The following KCNQ5 variants were observed in gnomAD, a reference collection of about 807,000 sequenced individuals.
KCNQ5 encodes the protein potassium voltage-gated channel subfamily KQT member 5.
KCNQ5 carries 30 observed loss-of-function variants against 98.2 expected under a neutral mutation model. That is an observed-to-expected ratio of 0.31 (90% confidence interval 0.23 to 0.41). The LOEUF is 0.41. KCNQ5 is among the 10% of genes least tolerant of loss of function. The probability of loss-of-function intolerance (pLI) is 1.00; values close to 1 mark genes in which losing one functional copy is unlikely to be tolerated. For missense variants in KCNQ5, 835 were observed against 1,182.5 expected, an observed-to-expected ratio of 0.71 and a Z score of 4.31; for synonymous variants, 458 against 449.4, an observed-to-expected ratio of 1.02 and a Z score of -0.24.
chr6:73,077,685 A>G, intron 4 of KCNQ5, 77 bp from the exon 5 acceptor site: 1 of 1,404,388 alleles, frequency 7.1e-7, no homozygotes, highest in Non-Finnish European at 9.8e-7. Context: ...TAAAGTGAAT[A>G]GAATCCTCAT....
intron 1 of KCNQ5, among the ~76,000 whole-genome samples, chr6:72,629,723 A>G (rs561079071): frequency 1.3e-5 from 2 of 152,240 alleles, no homozygotes; most frequent in Non-Finnish European, 2.9e-5. Flanking sequence ...TTGAAGCCCA[A>G]TTGTTGAACA....
chr6:72,673,615 G>T (rs1277208802), intron 1 of KCNQ5, among the ~76,000 whole-genome samples: 1 of 152,062 alleles, frequency 6.6e-6, no homozygotes, highest in Non-Finnish European at 1.5e-5. Context: ...GGGAGGAGTG[G>T]AGGAGGCGAA....
intron 1 of KCNQ5, among the ~76,000 whole-genome samples, chr6:72,908,712 A>T (rs1383902891): frequency 6.6e-6 from 1 of 152,158 alleles, no homozygotes; most frequent in African/African-American, 2.4e-5. Flanking sequence ...TGAATTATTC[A>T]ACACCAGGAT....
chr6:72,764,704 T>A (rs1411896732), intron 1 of KCNQ5, among the ~76,000 whole-genome samples: 3 of 151,956 alleles, frequency 2.0e-5, no homozygotes, highest in Non-Finnish European at 4.4e-5. Context: ...TAGTAGGTCT[T>A]ATTCATTCTC....
intron 1 of KCNQ5, among the ~76,000 whole-genome samples, chr6:72,811,472 A>T (rs965937988): frequency 1.3e-5 from 2 of 152,196 alleles, no homozygotes; most frequent in African/African-American, 4.8e-5. Context: ...CTGTTTGTGG[A>T]TAAGTATACC....
At chr6:73,112,625 A>G (rs1170808269) in intron 7 of KCNQ5, among the ~76,000 whole-genome samples, 2 of 152,118 alleles carry the variant, frequency 1.3e-5, no homozygotes, top group Non-Finnish European at 2.9e-5. Flanking sequence ...GATTACAGGC[A>G]TGAGCCACGG....
chr6:73,172,247 TA>T (rs1778041419), intron 11 of KCNQ5, among the ~76,000 whole-genome samples: 1 of 152,188 alleles, frequency 6.6e-6, no homozygotes, highest in Non-Finnish European at 1.5e-5. Flanking sequence ...TCATCACTTC[TA>T]AATTCCATTT....
rs192070398 is a variant in KCNQ5, at chr6:73,046,672, C to T, written c.616+4610C>T. 6.1e-3 allele frequency among the ~76,000 whole-genome samples: 442 copies of T among 72,922 alleles called. 1 individual carries two copies. Among genetic ancestry groups the T allele is most frequent in the African/African-American group, 0.029 (421 of 14,588 alleles). 47.8% of individuals were successfully genotyped at this position (72,922 alleles called of 152,430 possible). ...TATTTTATTTTTTGAGGCAGAGTTT[C>T]CCTCTATCACCCAGGCTGGAGTCCA... On this transcript the variant is annotated intron_variant, in intron 3 of 13. Coordinates refer to ENST00000370398, the MANE Select transcript of KCNQ5 (RefSeq NM_019842.4).
intron 2 of KCNQ5, among the ~76,000 whole-genome samples, 173 bp from the exon 3 acceptor site, chr6:73,041,763 C>A (rs1458001406): frequency 6.6e-6 from 1 of 152,108 alleles, no homozygotes; most frequent in East Asian, 1.9e-4. Context: ...GTATGAGGTT[C>A]AAATGCTGTC....
chr6:72,828,337 A>T (rs150302880), intron 1 of KCNQ5, among the ~76,000 whole-genome samples: 1 of 152,180 alleles, frequency 6.6e-6, no homozygotes, highest in African/African-American at 2.4e-5. Flanking sequence ...CATTTCAACA[A>T]TATTAATTCT....
chr6:73,125,355 T>C (rs536627965), intron 9 of KCNQ5: 24 of 510,182 alleles, frequency 4.7e-5, no homozygotes, highest in Admixed American at 4.1e-4. Flanking sequence ...AGCAAAGCCC[T>C]GAAAAACAGA....
intron 11 of KCNQ5, among the ~76,000 whole-genome samples, chr6:73,171,588 T>G (rs1055761839): frequency 6.6e-6 from 1 of 152,224 alleles, no homozygotes; most frequent in African/African-American, 2.4e-5. Context: ...GAAATACATT[T>G]TAAAATTTAG....
chr6:72,850,742 CTG>C (rs1374055257), intron 1 of KCNQ5, among the ~76,000 whole-genome samples: 1 of 151,862 alleles, frequency 6.6e-6, no homozygotes, highest in Non-Finnish European at 1.5e-5. Context: ...TTGCCTAAGA[CTG>C]TTATTTTGAG....
At chr6:72,684,697 T>C (rs1165859817) in intron 1 of KCNQ5, among the ~76,000 whole-genome samples, 3 of 152,258 alleles carry the variant, frequency 2.0e-5, no homozygotes, top group Non-Finnish European at 4.4e-5. Flanking sequence ...TGCATTGTCA[T>C]TTGGAAAGTT....
At chr6:72,818,056 T>A (rs1273886935) in intron 1 of KCNQ5, among the ~76,000 whole-genome samples, 1 of 152,174 alleles carries the variant, frequency 6.6e-6, no homozygotes, top group Non-Finnish European at 1.5e-5. Flanking sequence ...GATTTTATAT[T>A]GATCAGTTAA....
intron 1 of KCNQ5, among the ~76,000 whole-genome samples, chr6:72,833,427 T>C (rs552202942): frequency 6.6e-6 from 1 of 152,188 alleles, no homozygotes; most frequent in Admixed American, 6.5e-5. Flanking sequence ...TATCATATTG[T>C]ATACTTTGAA....
chr6:72,964,485 G>A (rs1030093474), intron 1 of KCNQ5, among the ~76,000 whole-genome samples: 2 of 152,146 alleles, frequency 1.3e-5, no homozygotes, highest in African/African-American at 4.8e-5. Flanking sequence ...TTAGGGTACA[G>A]AAAGACATTA....
intron 1 of KCNQ5, among the ~76,000 whole-genome samples, chr6:72,696,614 T>C (rs932510175): frequency 2.7e-5 from 4 of 148,370 alleles, no homozygotes; most frequent in Non-Finnish European, 4.4e-5. Flanking sequence ...TGGGCCACAA[T>C]CAAAGAACTC....
intron 1 of KCNQ5, among the ~76,000 whole-genome samples, chr6:72,861,324 A>AAC (rs10681157): frequency 0.99 from 150,790 of 152,240 alleles, 74,692 homozygotes; most frequent in East Asian, 1. Context: ...GGATTATTTA[A>AAC]ACACAAACAA....
Sources: allele counts gnomAD v4.1 joint callset (sites outside exome capture counted in the v4.1 genomes callset), GRCh38; gene constraint gnomAD v4.1.1; transcripts MANE v1.5; gene names NCBI Gene and HGNC (gene_info 2026-07-23, HGNC 2026-07-21).